The following PLCB1 variants were observed in gnomAD, a reference collection of about 807,000 sequenced individuals.
PLCB1 encodes the protein 1-phosphatidylinositol 4,5-bisphosphate phosphodiesterase beta-1.
In PLCB1, 46 loss-of-function variants were observed where a neutral mutation model predicts 161.8. The observed-to-expected ratio is 0.28, with a 90% confidence interval of 0.22 to 0.36. The LOEUF is 0.36. PLCB1 is among the 10% of genes least tolerant of loss of function. PLCB1 has a pLI of 1.00. For synonymous variants in PLCB1, 517 were observed against 503.7 expected (o/e 1.03, Z -0.35); for missense variants, 1,016 against 1,472.5 (o/e 0.69, Z 5.07).
intron 3 of PLCB1, among the ~76,000 whole-genome samples, chr20:8,511,306 GCTT>G (rs1381766141): frequency 6.6e-6 from 1 of 151,938 alleles, no homozygotes; most frequent in African/African-American, 2.4e-5. Flanking sequence ...GACAGAATTT[GCTT>G]CTTTTTTTTA....
intron 2 of PLCB1, among the ~76,000 whole-genome samples, chr20:8,236,962 A>G (rs1283509478): frequency 1.3e-5 from 2 of 152,120 alleles, no homozygotes; most frequent in African/African-American, 2.4e-5. Context: ...TTTCAAAACT[A>G]AAAGTTCCAG....
intron 3 of PLCB1, among the ~76,000 whole-genome samples, chr20:8,613,490 T>G (rs1015051667): frequency 6.6e-6 from 1 of 152,144 alleles, no homozygotes; most frequent in Non-Finnish European, 1.5e-5. Flanking sequence ...AAGGGGAAAT[T>G]CAGAAGACAG....
At chr20:8,292,899 T>C (rs1305161880) in intron 2 of PLCB1, among the ~76,000 whole-genome samples, 1 of 152,192 alleles carries the variant, frequency 6.6e-6, no homozygotes, top group Non-Finnish European at 1.5e-5. Flanking sequence ...TTAAATCTGT[T>C]ACCACTGCTG....
At chr20:8,172,043 A>G (rs1046818016) in intron 2 of PLCB1, among the ~76,000 whole-genome samples, 2 of 152,108 alleles carry the variant, frequency 1.3e-5, no homozygotes, top group African/African-American at 2.4e-5. Context: ...TGGTGTAACC[A>G]CTGTAATCCC....
At chr20:8,227,802 A>T (rs1313984650) in intron 2 of PLCB1, among the ~76,000 whole-genome samples, 2 of 152,200 alleles carry the variant, frequency 1.3e-5, no homozygotes, top group Non-Finnish European at 2.9e-5. Flanking sequence ...AAGAGTCCAC[A>T]TAAAATATAT....
At chr20:8,177,036 G>A (rs1432236012) in intron 2 of PLCB1, among the ~76,000 whole-genome samples, 1 of 152,202 alleles carries the variant, frequency 6.6e-6, no homozygotes, top group African/African-American at 2.4e-5. Flanking sequence ...GTCAATGTTT[G>A]TTGGTATTAA....
At chr20:8,618,842 C>G (rs1988101306) in intron 3 of PLCB1, among the ~76,000 whole-genome samples, 2 of 152,030 alleles carry the variant, frequency 1.3e-5, no homozygotes, top group Non-Finnish European at 2.9e-5. Flanking sequence ...TTGTTAAGAT[C>G]TTTATATCCC....
At chr20:8,736,221 T>C (rs1435910450) in intron 19 of PLCB1, among the ~76,000 whole-genome samples, 1 of 152,202 alleles carries the variant, frequency 6.6e-6, no homozygotes, top group Non-Finnish European at 1.5e-5. Flanking sequence ...TCCGCTAACC[T>C]TTATGACAGC....
chr20:8,383,785 A>G (rs1987336224), intron 3 of PLCB1, among the ~76,000 whole-genome samples: 3 of 152,192 alleles, frequency 2.0e-5, no homozygotes, highest in South Asian at 4.1e-4. Context: ...TATGAAGCTT[A>G]GTTTGGCTGG....
At chr20:8,747,250 G>A (rs376401038) in intron 23 of PLCB1, among the ~76,000 whole-genome samples, 13 of 152,276 alleles carry the variant, frequency 8.5e-5, no homozygotes, top group African/African-American at 2.2e-4. Flanking sequence ...ATCTTTGTGG[G>A]TTCTATTTGA....
chr20:8,673,584 G>C (rs1008931046), intron 9 of PLCB1, among the ~76,000 whole-genome samples: 1 of 152,124 alleles, frequency 6.6e-6, no homozygotes, highest in African/African-American at 2.4e-5. Context: ...TCTTGGTTCT[G>C]TTCTGTGAGC....
intron 3 of PLCB1, among the ~76,000 whole-genome samples, chr20:8,604,983 A>G (rs923834790): frequency 2.0e-5 from 3 of 152,140 alleles, no homozygotes; most frequent in Non-Finnish European, 2.9e-5. Flanking sequence ...AATCCTATGA[A>G]GTTTCACTAA....
chr20:8,756,496 G>A (rs1981743122), intron 23 of PLCB1, among the ~76,000 whole-genome samples: 1 of 152,132 alleles, frequency 6.6e-6, no homozygotes, highest in South Asian at 2.1e-4. Context: ...TGCATTATCT[G>A]GTCAGCTGGG....
chr20:8,413,717 CG>C (rs1239443871), intron 3 of PLCB1, among the ~76,000 whole-genome samples: 1 of 152,064 alleles, frequency 6.6e-6, no homozygotes, highest in Non-Finnish European at 1.5e-5. Flanking sequence ...TCTTTATTTG[CG>C]GTATGGGAAA....
intron 3 of PLCB1, among the ~76,000 whole-genome samples, chr20:8,473,364 CAT>C (rs761290101): frequency 2.0e-5 from 3 of 152,070 alleles, no homozygotes; most frequent in Non-Finnish European, 4.4e-5. Flanking sequence ...AATATATCCA[CAT>C]GTTAAGTAAT....
intron 9 of PLCB1, among the ~76,000 whole-genome samples, chr20:8,672,807 A>C (rs907469820): frequency 6.6e-6 from 1 of 152,100 alleles, no homozygotes; most frequent in Admixed American, 6.6e-5. Context: ...TTGTGTTACC[A>C]GACCTTATTT....
At chr20:8,282,788 C>T (rs1032518515) in intron 2 of PLCB1, among the ~76,000 whole-genome samples, 7 of 151,806 alleles carry the variant, frequency 4.6e-5, no homozygotes, top group African/African-American at 1.7e-4. Flanking sequence ...AATTAAACTC[C>T]TACTTCTTTT....
intron 12 of PLCB1, among the ~76,000 whole-genome samples, chr20:8,710,227 C>T (rs1413464464): frequency 6.6e-6 from 1 of 152,120 alleles, no homozygotes; most frequent in African/African-American, 2.4e-5. Flanking sequence ...AGGTGTCTTA[C>T]ATGGCAGGAG....
intron 31 of PLCB1, among the ~76,000 whole-genome samples, chr20:8,871,641 TC>T (rs1568632060): frequency 6.6e-6 from 1 of 152,106 alleles, no homozygotes; most frequent in African/African-American, 2.4e-5. Flanking sequence ...GTCAGAGTGT[TC>T]AAAATACCAT....
Sources: gnomAD v4.1 joint callset for allele counts (sites outside exome capture counted in the v4.1 genomes callset) on GRCh38, gnomAD v4.1.1 for gene constraint, MANE v1.5 for transcripts, NCBI Gene and HGNC (gene_info 2026-07-23, HGNC 2026-07-21) for gene names.